LIMCH1: variants seen among roughly 807,000 people sequenced by gnomAD.
The protein encoded by LIMCH1 is LIM and calponin homology domains 1.
Under a neutral mutation model 176.5 loss-of-function variants are expected in LIMCH1, and 113 were observed. That is an observed-to-expected ratio of 0.64 (90% CI 0.55 to 0.75). The LOEUF (loss-of-function observed/expected upper bound fraction) is 0.75. Among genes scored for constraint, LIMCH1 ranks in the 30% least tolerant of loss-of-function variants. LIMCH1 has a pLI of 0.00. For missense variants in LIMCH1, 1,674 were observed against 1,814.9 expected (o/e 0.92, Z 1.41); for synonymous variants, 619 against 645.9 (o/e 0.96, Z 0.63).
rs138518650 is a variant in LIMCH1 at position 41,691,124 on chromosome 4, A to G, written c.4276-1158A>G. ...AACTCTCAAGGCCTTTATTCACTCT[A>G]ATCATTCACTTCCTGGAGCTGGCCT... On this transcript the variant is annotated intron_variant, in intron 30 of 31. Transcript: ENST00000503057. Among the ~76,000 whole-genome samples the G allele has an allele frequency of 2.2e-3, 330 of 152,234 alleles. 4 individuals carry two copies. The East Asian group carries it at 0.032, about 15-fold the overall frequency.
At chr4:41,386,009 G>A (rs2056442410) in intron 1 of LIMCH1, 1 of 152,180 alleles carries the variant, frequency 6.6e-6, no homozygotes, top group Non-Finnish European at 1.5e-5. Context: ...CTACTAGGGT[G>A]AGTTTGATTA....
At chr4:41,657,819 G>A (rs2094504931) in intron 18 of LIMCH1, among the ~76,000 whole-genome samples, 1 of 152,102 alleles carries the variant, frequency 6.6e-6, no homozygotes, top group South Asian at 2.1e-4. Flanking sequence ...AGAAATCCCC[G>A]AGATGAGCTG....
chr4:41,619,655 A>G (rs749955016), intron 6 of LIMCH1: 2 of 598,516 alleles, frequency 3.3e-6, no homozygotes, highest in Non-Finnish European at 5.8e-6. Flanking sequence ...CACAGTAGGT[A>G]TTCAGCAACT....
chr4:41,629,734 G>GGT lies in LIMCH1; in HGVS notation c.1271+5_1271+6dup, dbSNP rs2093202077. 1 of 1,533,024 alleles carries GGT rather than the reference G, an allele frequency of 6.5e-7. No homozygotes were observed. Among genetic ancestry groups the GGT allele is most frequent in the Non-Finnish European group, 8.7e-7 (1 of 1,144,438 alleles). The allele number at this position is 1,533,024 out of a possible 1,614,324, so 95.0% of individuals were successfully genotyped here. ...AGACTCAAAGTGTCAGAAAAGGCGA[G>GGT]GTGTGTCATGTTTCCCCCCCAGTTT... On this transcript the variant is annotated frameshift_variant and splice_region_variant. Transcript: ENST00000503057. LOFTEE classifies it high-confidence loss of function.
chr4:41,631,597 T>A, intron 10 of LIMCH1, 120 bp downstream of exon 10: 2 of 814,088 alleles, frequency 2.5e-6, no homozygotes, highest in Non-Finnish European at 3.7e-6. Flanking sequence ...AGACTATGTA[T>A]AGCAGAGAAG....
At chr4:41,645,186 T>G (rs1037765676) in intron 15 of LIMCH1, among the ~76,000 whole-genome samples, 1 of 152,142 alleles carries the variant, frequency 6.6e-6, no homozygotes, top group Non-Finnish European at 1.5e-5. Context: ...AAGAGGCTGA[T>G]GAGGGCTTTG....
At chr4:41,451,240 C>T (rs556356983) in intron 1 of LIMCH1, among the ~76,000 whole-genome samples, 6 of 151,958 alleles carry the variant, frequency 3.9e-5, no homozygotes, top group African/African-American at 7.2e-5. Context: ...CTCAGCCTCC[C>T]GAGTAGCTGA....
intron 18 of LIMCH1, among the ~76,000 whole-genome samples, chr4:41,656,451 G>A (rs968641870): frequency 2.6e-5 from 4 of 152,088 alleles, no homozygotes; most frequent in Admixed American, 1.3e-4. Flanking sequence ...TACAGATTTC[G>A]AGAAAGCATA....
chr4:41,638,891 T>A (rs2093702648), intron 13 of LIMCH1, 41 bp from the exon 14 acceptor site: 2 of 1,578,216 alleles, frequency 1.3e-6, no homozygotes, highest in African/African-American at 2.7e-5. Context: ...GTGTTCACTT[T>A]CAACTCTGCC....
rs181181327 is a variant in LIMCH1, at chr4:41,650,749, C to T, written c.3036+141C>T. 1,564 of 710,216 alleles carry T rather than the reference C, an allele frequency of 2.2e-3. 5 individuals carry two copies. The highest frequency in any genetic ancestry group is 6.9e-3 in the Middle Eastern group (17 of 2,460). The allele number at this position is 710,216 out of a possible 1,614,324, so 44.0% of individuals were successfully genotyped here. A position where few individuals can be genotyped will look rare whatever the true frequency, so the allele number is the denominator to read the frequency against. ...TTTGCTAGGGCTGCTGTAAGTACCA[C>T]AAACTCAGTGGCTTAAACAACAGAA... On this transcript the variant is annotated intron_variant, in intron 18 of 31. Coordinates refer to ENST00000503057, the MANE Select transcript of LIMCH1 (RefSeq NM_001330672.2).
At chr4:41,394,942 G>A (rs1223235254) in intron 1 of LIMCH1, among the ~76,000 whole-genome samples, 1 of 152,084 alleles carries the variant, frequency 6.6e-6, no homozygotes, top group Non-Finnish European at 1.5e-5. Context: ...CTAAGTTAAC[G>A]GCTTCACTTT....
At chr4:41,686,851 T>C (rs1721191766) in intron 28 of LIMCH1, among the ~76,000 whole-genome samples, 1 of 152,228 alleles carries the variant, frequency 6.6e-6, no homozygotes, top group South Asian at 2.1e-4. Context: ...CTTATGTCTA[T>C]CCAGTTTCAT....
chr4:41,616,329 A>G (rs912443075), intron 5 of LIMCH1, among the ~76,000 whole-genome samples: 1 of 151,970 alleles, frequency 6.6e-6, no homozygotes, highest in Admixed American at 6.6e-5. Context: ...GGAGTTCAAG[A>G]CCAGCCTGGC....
At chr4:41,561,126 A>G (rs2082014600) in intron 1 of LIMCH1, among the ~76,000 whole-genome samples, 1 of 152,224 alleles carries the variant, frequency 6.6e-6, no homozygotes, top group African/African-American at 2.4e-5. Flanking sequence ...GGATCTGTAG[A>G]AGCTGCCAGG....
chr4:41,586,419 A>G (rs1561838073), intron 1 of LIMCH1, among the ~76,000 whole-genome samples: 1 of 151,922 alleles, frequency 6.6e-6, no homozygotes, highest in Non-Finnish European at 1.5e-5. Context: ...CTAAATGCTT[A>G]TTTTCAATTT....
intron 1 of LIMCH1, among the ~76,000 whole-genome samples, chr4:41,474,216 C>T (rs554754947): frequency 1.2e-4 from 18 of 150,538 alleles, no homozygotes; most frequent in African/African-American, 2.9e-4. Flanking sequence ...TGGTCAGGCG[C>T]GGTGGCTCAC....
At chr4:41,375,541 T>C (rs993363776) in intron 1 of LIMCH1, among the ~76,000 whole-genome samples, 2 of 152,270 alleles carry the variant, frequency 1.3e-5, no homozygotes, top group African/African-American at 2.4e-5. Flanking sequence ...TACCAGTATC[T>C]GATTTTTTTC....
At chr4:41,367,632 A>C (rs1006960063) in intron 1 of LIMCH1, among the ~76,000 whole-genome samples, 1 of 144,784 alleles carries the variant, frequency 6.9e-6, no homozygotes, top group African/African-American at 2.6e-5. Context: ...TGAGGTTTGG[A>C]GATCCAGACC....
At chr4:41,592,926 G>T (rs983589540) in intron 1 of LIMCH1, among the ~76,000 whole-genome samples, 2 of 152,234 alleles carry the variant, frequency 1.3e-5, no homozygotes, top group Non-Finnish European at 2.9e-5. Context: ...TTGATGGATT[G>T]TGAAGACTAA....
Sources: allele counts gnomAD v4.1 joint callset (sites outside exome capture counted in the v4.1 genomes callset), GRCh38; gene constraint gnomAD v4.1.1; transcripts MANE v1.5; gene names NCBI Gene and HGNC (gene_info 2026-07-23, HGNC 2026-07-21).